Variants in JAZF1 observed in about 807,000 individuals in gnomAD.
The protein encoded by JAZF1 is JAZF zinc finger 1.
Under a neutral mutation model 26.4 loss-of-function variants are expected in JAZF1, and 8 were observed. The observed-to-expected ratio is 0.30, with a 90% CI of 0.18 to 0.55. The LOEUF (loss-of-function observed/expected upper bound fraction) is 0.55. Among genes scored for constraint, JAZF1 ranks in the 20% least tolerant of loss-of-function variants. The probability of loss-of-function intolerance (pLI) is 0.94; values close to 1 mark genes in which losing one functional copy is unlikely to be tolerated. For missense variants in JAZF1, 199 were observed against 322.0 expected, an observed-to-expected ratio of 0.62 and a Z score of 2.92; for synonymous variants, 126 against 122.3, an observed-to-expected ratio of 1.03 and a Z score of -0.20.
At chr7:27,873,058 G>A (rs977787074) in intron 3 of JAZF1, among the ~76,000 whole-genome samples, 3 of 152,112 alleles carry the variant, frequency 2.0e-5, no homozygotes, top group Admixed American at 1.3e-4. Flanking sequence ...ATTAAGCGAC[G>A]GGGTAGGTTT....
intron 1 of JAZF1, among the ~76,000 whole-genome samples, chr7:28,016,106 G>A (rs938232567): frequency 6.6e-6 from 1 of 152,194 alleles, no homozygotes; most frequent in Non-Finnish European, 1.5e-5. Flanking sequence ...AGCTGCCGGT[G>A]CCTTCAGACC....
At chr7:27,925,140 G>A (rs528782802) in intron 2 of JAZF1, among the ~76,000 whole-genome samples, 1 of 152,284 alleles carries the variant, frequency 6.6e-6, no homozygotes, top group South Asian at 2.1e-4. Flanking sequence ...ACTAAGGGTG[G>A]TAACTATCAC....
intron 3 of JAZF1, chr7:27,844,507 C>T (rs1196858030): frequency 6.6e-6 from 1 of 152,184 alleles, no homozygotes; most frequent in Non-Finnish European, 1.5e-5. Context: ...CTAGCAACAC[C>T]CTCCCAAGCT....
At chr7:27,833,493 G>A (rs915533028) in intron 4 of JAZF1, among the ~76,000 whole-genome samples, 5 of 152,142 alleles carry the variant, frequency 3.3e-5, no homozygotes, top group Admixed American at 1.3e-4. Flanking sequence ...CTTAACCAGA[G>A]TTTTTGTCAG....
At chr7:27,940,834 T>C (rs1403773551) in intron 2 of JAZF1, among the ~76,000 whole-genome samples, 1 of 152,274 alleles carries the variant, frequency 6.6e-6, no homozygotes, top group Non-Finnish European at 1.5e-5. Flanking sequence ...CAAAATTTAC[T>C]GTATTCATAA....
At chr7:27,868,711 A>G (rs1257935505) in intron 3 of JAZF1, among the ~76,000 whole-genome samples, 1 of 152,194 alleles carries the variant, frequency 6.6e-6, no homozygotes, top group Non-Finnish European at 1.5e-5. Context: ...AGAGCATGGT[A>G]CCCAAGTCAA....
At chr7:27,846,335 A>G (rs1404733129) in intron 3 of JAZF1, among the ~76,000 whole-genome samples, 1 of 143,182 alleles carries the variant, frequency 7.0e-6, no homozygotes, top group East Asian at 2.6e-4. Flanking sequence ...ATACATATGT[A>G]CACGTATATA....
At chr7:28,010,538 G>A (rs1009783223) in intron 1 of JAZF1, among the ~76,000 whole-genome samples, 4 of 152,022 alleles carry the variant, frequency 2.6e-5, no homozygotes, top group Admixed American at 6.6e-5. Context: ...AGAACACCTC[G>A]TCCTCACCTG....
intron 3 of JAZF1, among the ~76,000 whole-genome samples, chr7:27,857,214 A>T (rs903524563): frequency 2.6e-5 from 4 of 152,200 alleles, no homozygotes; most frequent in Non-Finnish European, 5.9e-5. Flanking sequence ...GGAGGTAGCT[A>T]AGGCCCGGTG....
intron 1 of JAZF1, among the ~76,000 whole-genome samples, chr7:28,000,086 G>A (rs923128493): frequency 6.6e-6 from 1 of 152,212 alleles, no homozygotes; most frequent in African/African-American, 2.4e-5. Flanking sequence ...CAGCATAGGG[G>A]AGAGGTCTGT....
intron 2 of JAZF1, among the ~76,000 whole-genome samples, chr7:27,902,881 C>T (rs1299593713): frequency 6.6e-6 from 1 of 151,990 alleles, no homozygotes; most frequent in Non-Finnish European, 1.5e-5. Context: ...CCAGGCATGG[C>T]AGCATGTGCC....
chr7:27,868,160 C>T (rs928159595), intron 3 of JAZF1, among the ~76,000 whole-genome samples: 1 of 152,230 alleles, frequency 6.6e-6, no homozygotes, highest in African/African-American at 2.4e-5. Context: ...CTAGTCGTTA[C>T]TATTTTCACT....
chr7:28,156,640 C>T (rs1267993784), intron 1 of JAZF1, among the ~76,000 whole-genome samples: 2 of 152,152 alleles, frequency 1.3e-5, no homozygotes, highest in East Asian at 3.9e-4. Context: ...ACACAAATTG[C>T]TGGGTCTCAG....
intron 1 of JAZF1, among the ~76,000 whole-genome samples, chr7:28,171,558 C>T (rs1265019950): frequency 6.6e-6 from 1 of 152,160 alleles, no homozygotes; most frequent in African/African-American, 2.4e-5. Context: ...AGCACACCCC[C>T]GCTGGTGCAG....
At chr7:27,921,091 C>G (rs1440577025) in intron 2 of JAZF1, among the ~76,000 whole-genome samples, 1 of 152,328 alleles carries the variant, frequency 6.6e-6, no homozygotes, top group Admixed American at 6.5e-5. Context: ...CCGGCAGTTA[C>G]AAGTACCAGT....
intron 1 of JAZF1, among the ~76,000 whole-genome samples, chr7:28,179,702 G>T (rs1160648428): frequency 1.4e-5 from 2 of 148,020 alleles, no homozygotes; most frequent in African/African-American, 4.9e-5. Flanking sequence ...GCAGGGGAGG[G>T]CACCCAGAGC....
At chr7:27,930,051 A>G (rs1784664008) in intron 2 of JAZF1, among the ~76,000 whole-genome samples, 1 of 149,274 alleles carries the variant, frequency 6.7e-6, no homozygotes, top group African/African-American at 2.5e-5. Flanking sequence ...GCTGGAGTCC[A>G]GTGGTGCGAT....
chr7:28,051,765 C>T (rs1320768566), intron 1 of JAZF1, among the ~76,000 whole-genome samples: 2 of 152,124 alleles, frequency 1.3e-5, no homozygotes, highest in African/African-American at 4.8e-5. Context: ...ATAACACAGT[C>T]CATCAATATT....
intron 2 of JAZF1, among the ~76,000 whole-genome samples, chr7:27,932,742 C>G (rs1296549219): frequency 6.6e-6 from 1 of 152,156 alleles, no homozygotes; most frequent in Non-Finnish European, 1.5e-5. Context: ...TCAACAGACT[C>G]CTCACTCACA....
Sources: gnomAD v4.1 joint callset for allele counts (sites outside exome capture counted in the v4.1 genomes callset) on GRCh38, gnomAD v4.1.1 for gene constraint, MANE v1.5 for transcripts, NCBI Gene and HGNC (gene_info 2026-07-23, HGNC 2026-07-21) for gene names.